SCUBE3: variants seen among roughly 807,000 people sequenced by gnomAD.
SCUBE3 encodes signal peptide, CUB domain and EGF like domain containing 3, also known as signal peptide, CUB and EGF-like domain-containing protein 3.
SCUBE3 carries 33 observed loss-of-function variants against 116.8 expected under a neutral mutation model. That is an observed-to-expected ratio of 0.28 (90% CI 0.21 to 0.38). The LOEUF is 0.38. Ranked by LOEUF, SCUBE3 falls within the 10% of genes least tolerant of loss-of-function variation. The pLI, the probability that SCUBE3 is intolerant of heterozygous loss-of-function variation, is 1.00. For synonymous variants in SCUBE3, 418 were observed against 496.9 expected (o/e 0.84, Z 2.11); for missense variants, 1,007 against 1,324.8 (o/e 0.76, Z 3.72).
intron 14 of SCUBE3, 87 bp downstream of exon 14, chr6:35,242,867 A>G (rs1784134722): frequency 1.9e-6 from 3 of 1,549,988 alleles, no homozygotes; most frequent in Admixed American, 3.4e-5. Context: ...AAAGGAAGGG[A>G]TGGAGCCTGT....
intron 1 of SCUBE3, among the ~76,000 whole-genome samples, chr6:35,226,850 T>C (rs1443633272): frequency 6.6e-6 from 1 of 152,148 alleles, no homozygotes; most frequent in Non-Finnish European, 1.5e-5. Flanking sequence ...AGTATAGCTG[T>C]GTGTGTAGCA....
At chr6:35,227,820 G>GAAT in intron 2 of SCUBE3, 118 bp downstream of exon 2, 1 of 1,090,968 alleles carries the variant, frequency 9.2e-7, no homozygotes, top group Non-Finnish European at 1.3e-6. Flanking sequence ...TGGTCAAGTG[G>GAAT]TGGGGGGGTG....
intron 21 of SCUBE3, among the ~76,000 whole-genome samples, chr6:35,247,311 G>A (rs1562062296): frequency 6.6e-6 from 1 of 151,724 alleles, no homozygotes; most frequent in Admixed American, 6.6e-5. Flanking sequence ...GGTGGCGGGC[G>A]CCTGCAATCC....
At chr6:35,226,143 A>G (rs1004966073) in intron 1 of SCUBE3, among the ~76,000 whole-genome samples, 1 of 152,198 alleles carries the variant, frequency 6.6e-6, no homozygotes, top group African/African-American at 2.4e-5. Context: ...GCTTTAGAAA[A>G]ATACTGATGG....
rs754924876 is a variant in SCUBE3, at chr6:35,241,792, G to A, written c.1313-14G>A. ...GGAAGGCAGGTCAGAACTGTGACAG[G>A]CTCCTTTTCTCAGAGTCTGAGAATG... is the stretch of plus-strand genomic sequence containing the variant. On this transcript the variant is annotated splice_polypyrimidine_tract_variant and intron_variant, in intron 11 of 21. Coordinates refer to ENST00000274938, the MANE Select transcript of SCUBE3 (RefSeq NM_152753.4). This position sits in a 1 kb window ranked among gnomAD's most constrained non-coding sequence, Gnocchi z 4.1. 6.2e-7 allele frequency: 1 copy of A among 1,603,094 alleles called. No homozygotes were observed. Among genetic ancestry groups the A allele is most frequent in the South Asian group, 1.1e-5 (1 of 90,876 alleles).
At position 35,228,737 on chromosome 6, in the gene SCUBE3, T is replaced by C; in HGVS notation, c.332T>C (p.Leu111Pro). The change falls in exon 3 of 22, where the codon CTG becomes CCG. Residue 111 changes from leucine to proline, a missense_variant and splice_region_variant. Coordinates refer to ENST00000274938, the MANE Select transcript of SCUBE3 (RefSeq NM_152753.4). This position sits in a 1 kb window ranked among gnomAD's most constrained non-coding sequence, Gnocchi z 4.9. ...CTGGCACATGACGGACACAACTGTC[T>C]GGGTAAGCAAAGGAGAGGGGATTTG... ...FHLAHDGHNC[L>P]DVDECAEGNG... The C allele has an allele frequency of 6.2e-7, 1 of 1,614,082 alleles. No individual in the cohort carries two copies. The highest frequency in any genetic ancestry group is 8.5e-7 in the Non-Finnish European group (1 of 1,179,936).
In SCUBE3 at chr6:35,241,846, C is replaced by G. The variant is rs1581944174; in HGVS notation, c.1353C>G (p.Ser451Arg). Residue 451 changes from serine to arginine, a missense_variant, in exon 12 of 22, where the codon AGC becomes AGG. By Grantham distance (110) the Ser-to-Arg change is moderately radical (BLOSUM62 -1). Transcript: ENST00000274938. The surrounding 1 kb of genome is among the most constrained non-coding windows in gnomAD (Gnocchi z 4.1). The stretch of plus-strand genomic sequence containing the variant: ...TCACGGTGAGCTGTGGGACCCCCAG[C>G]CCCAGGGCTGCTCCAGCCCGAGCTG... Reference protein sequence around the residue: ...NGFTVSCGTPSPRAAPARAGH... With the variant: ...NGFTVSCGTPRPRAAPARAGH... 6.2e-7 allele frequency: 1 copy of G among 1,613,026 alleles called. No homozygotes were observed. Among genetic ancestry groups the G allele is most frequent in the Non-Finnish European group, 8.5e-7 (1 of 1,179,926 alleles).
In SCUBE3 at chr6:35,242,968, C is replaced by T. The variant is rs867981180; in HGVS notation, c.1694-53C>T. On this transcript the variant is annotated intron_variant, in intron 14 of 21. Transcript: ENST00000274938. ...CTCCCAGCTTTGCTCCCCTGCCCTC[C>T]TGCTCACAGCAACTCTTTCTCCTCC... 50 of 1,581,140 alleles carry T rather than the reference C, an allele frequency of 3.2e-5. No homozygotes were observed. In the Middle Eastern group the frequency reaches 5.0e-4, roughly 16 times the overall value.
chr6:35,238,699 C>A (rs540974490), intron 7 of SCUBE3, among the ~76,000 whole-genome samples: 1 of 152,218 alleles, frequency 6.6e-6, no homozygotes, highest in Non-Finnish European at 1.5e-5. Flanking sequence ...TAGTTACCCA[C>A]ATTATGCATT....
In SCUBE3 at chr6:35,241,729, C is replaced by T; in HGVS notation, c.1312+70C>T. On this transcript the variant is annotated intron_variant, in intron 11 of 21. Transcript: ENST00000274938. This position sits in a 1 kb window ranked among gnomAD's most constrained non-coding sequence, Gnocchi z 4.1. ...GAAGGACTGGCCGTTCAGGCAGCTC[C>T]TTCATTCCCCCTGGATTCCTCCAGC... 6.7e-7 allele frequency: 1 copy of T among 1,502,898 alleles called. No homozygotes were observed. Among genetic ancestry groups the T allele is most frequent in the South Asian group, 1.1e-5 (1 of 88,898 alleles). The allele number at this position is 1,502,898 out of a possible 1,614,324, so 93.1% of individuals were successfully genotyped here.
At chr6:35,226,739 A>G (rs191967657) in intron 1 of SCUBE3, among the ~76,000 whole-genome samples, 242 of 152,132 alleles carry the variant, frequency 1.6e-3, no homozygotes, top group African/African-American at 5.2e-3. Flanking sequence ...TGGCCTCCCA[A>G]AGTGCTGGGA....
At position 35,226,479 on chromosome 6, in the gene SCUBE3, C is replaced by CTTTTTTTTTTTTTTTTTTTTT. The variant is rs1562044702; in HGVS notation, c.86-1101_86-1100insTTTTTTTTTTTTTTTTTTTTT. Among the ~76,000 whole-genome samples, 5 of 52,184 alleles carry CTTTTTTTTTTTTTTTTTTTTT rather than the reference C, an allele frequency of 9.6e-5. 1 individual carries two copies. Among genetic ancestry groups the CTTTTTTTTTTTTTTTTTTTTT allele is most frequent in the African/African-American group, 2.2e-4 (4 of 18,328 alleles). 34.2% of individuals were successfully genotyped at this position (52,184 alleles called of 152,430 possible). On this transcript the variant is annotated intron_variant, in intron 1 of 21. Coordinates refer to ENST00000274938, the MANE Select transcript of SCUBE3 (RefSeq NM_152753.4). ...TCAGAAGTTGGACTCTTTTCTATGT[C>CTTTTTTTTTTTTTTTTTTTTT]CTTTTTTTTTTTTTTTTTTTTTTGA...
chr6:35,241,090 T>C lies in SCUBE3; in HGVS notation c.1070-51T>C, dbSNP rs1175252172. 2 of 1,550,058 alleles carry C rather than the reference T, an allele frequency of 1.3e-6. No homozygotes were observed. Among genetic ancestry groups the C allele is most frequent in the Non-Finnish European group, 1.8e-6 (2 of 1,138,846 alleles). Reference sequence around the variant, plus strand: ...CCTCACTCACTGCCTACTCTCCGGCTCCTCCTCCAACTCCATCGTTGTTTT... The same window carrying C: ...CCTCACTCACTGCCTACTCTCCGGCCCCTCCTCCAACTCCATCGTTGTTTT... On this transcript the variant is annotated intron_variant, in intron 9 of 21. Coordinates refer to ENST00000274938, the MANE Select transcript of SCUBE3 (RefSeq NM_152753.4). The surrounding 1 kb of genome is among the most constrained non-coding windows in gnomAD (Gnocchi z 4.1).
chr6:35,236,808 T>C (rs1442581890), intron 6 of SCUBE3, among the ~76,000 whole-genome samples: 1 of 152,226 alleles, frequency 6.6e-6, no homozygotes, highest in Non-Finnish European at 1.5e-5. Flanking sequence ...CTTGGGATTC[T>C]TTCTCTCTAA....
In SCUBE3 at chr6:35,245,041, T is replaced by C. The variant is rs1332783714; in HGVS notation, c.2402-187T>C. 6.6e-6 allele frequency among the ~76,000 whole-genome samples: 1 copy of C among 151,982 alleles called. No individual in the cohort carries two copies. Among genetic ancestry groups the C allele is most frequent in the Non-Finnish European group, 1.5e-5 (1 of 68,008 alleles). On this transcript the variant is annotated intron_variant, in intron 18 of 21. Transcript: ENST00000274938. The surrounding 1 kb of genome is among the most constrained non-coding windows in gnomAD (Gnocchi z 4.2). ...AATGAGGAAGCAGAGACAGGTGAAG[T>C]GAGAAGAGAAGGTACTAAAAGGGCA...
Position 35,245,987 on chromosome 6 carries a change from C to T in SCUBE3, c.2643C>T (p.Tyr881=), listed in dbSNP as rs761290195. ...SITTYETCQT[Y]ERPIAFTARS... Reference sequence around the variant, plus strand: ...CCACTTATGAGACCTGCCAGACCTACGAGCGTCCCATTGCCTTCACTGCCC... The same window carrying T: ...CCACTTATGAGACCTGCCAGACCTATGAGCGTCCCATTGCCTTCACTGCCC... Residue 881 remains tyrosine (Y), a synonymous_variant, in exon 20 of 22, where the codon TAC becomes TAT. Coordinates refer to ENST00000274938, the MANE Select transcript of SCUBE3 (RefSeq NM_152753.4). The surrounding 1 kb of genome is among the most constrained non-coding windows in gnomAD (Gnocchi z 4.2). The T allele has an allele frequency of 1.9e-5, 30 of 1,614,044 alleles. No individual in the cohort carries two copies. Among genetic ancestry groups the T allele is most frequent in the East Asian group, 4.5e-5 (2 of 44,894 alleles).
chr6:35,219,931 G>A lies in SCUBE3; in HGVS notation c.85+5428G>A, dbSNP rs1269290500. 6.6e-6 allele frequency among the ~76,000 whole-genome samples: 1 copy of A among 152,084 alleles called. No homozygotes were observed. The highest frequency in any genetic ancestry group is 2.1e-4 in the South Asian group (1 of 4,822). On this transcript the variant is annotated intron_variant, in intron 1 of 21. Coordinates refer to ENST00000274938, the MANE Select transcript of SCUBE3 (RefSeq NM_152753.4). This position sits in a 1 kb window ranked among gnomAD's most constrained non-coding sequence, Gnocchi z 4.7. ...GGCAACACCTGCCCACTGTTGCATTGCCCACCCTTTCCTTATTGCAACTGT... is the reference window on the plus strand; with the variant it reads ...GGCAACACCTGCCCACTGTTGCATTACCCACCCTTTCCTTATTGCAACTGT...
Position 35,250,097 on chromosome 6 carries a change from A to G in SCUBE3, c.*1392A>G, listed in dbSNP as rs1445885142. 2.6e-5 allele frequency: 4 copies of G among 152,526 alleles called. No homozygotes were observed. The highest frequency in any genetic ancestry group is 9.6e-5 in the African/African-American group (4 of 41,462). 9.4% of individuals were successfully genotyped at this position (152,526 alleles called of 1,614,324 possible). A position where few individuals can be genotyped will look rare whatever the true frequency, so the allele number is the denominator to read the frequency against. On this transcript the variant is annotated 3_prime_UTR_variant, in exon 22 of 22. Transcript: ENST00000274938. ...GTCTCTATGCCACCACTGGCCACCT[A>G]GAGCCCTTGGCTGTGGTAATCCAGG...
rs1278617425 is a variant in SCUBE3, at chr6:35,233,352, G to C, written c.712+51G>C. ...GTCCACCTGAGATGGGGTGGGGGTG[G>C]GACCCTTTGGGAACCAGGGAAGTGG... On this transcript the variant is annotated intron_variant, in intron 6 of 21. Transcript: ENST00000274938. The surrounding 1 kb of genome is among the most constrained non-coding windows in gnomAD (Gnocchi z 5.7). 1 of 1,073,198 alleles carries C rather than the reference G, an allele frequency of 9.3e-7. No individual in the cohort carries two copies. Among genetic ancestry groups the C allele is most frequent in the African/African-American group, 1.5e-5 (1 of 64,564 alleles). The allele number at this position is 1,073,198 out of a possible 1,614,324, so 66.5% of individuals were successfully genotyped here.
Sources: gnomAD v4.1 joint callset for allele counts (sites outside exome capture counted in the v4.1 genomes callset) on GRCh38, gnomAD v4.1.1 for gene constraint, Gnocchi (gnomAD v3.1) non-coding constraint, MANE v1.5 for transcripts, NCBI Gene and HGNC (gene_info 2026-07-23, HGNC 2026-07-21) for gene names.